Variants in LIPC observed in about 807,000 individuals in gnomAD.
The protein encoded by LIPC is hepatic triacylglycerol lipase.
A neutral mutation model predicts 50.7 loss-of-function variants in LIPC; 44 were observed. The ratio of observed to expected loss-of-function variants is 0.87; its 90% confidence interval spans 0.68 to 1.11. LIPC has a LOEUF of 1.11. Ranked by LOEUF, LIPC falls within the 50% of genes most tolerant of loss-of-function variation. The pLI, the probability that LIPC is intolerant of heterozygous loss-of-function variation, is 0.00. For missense variants in LIPC, 697 were observed against 648.2 expected (o/e 1.08, Z -0.82); for synonymous variants, 271 against 256.4 (o/e 1.06, Z -0.54).
At chr15:58,496,052 A>G (rs1891752865) in intron 1 of LIPC, among the ~76,000 whole-genome samples, 1 of 152,152 alleles carries the variant, frequency 6.6e-6, no homozygotes, top group South Asian at 2.1e-4. Context: ...CTGCTGCAGA[A>G]CCAGGACAGA....
At chr15:58,433,443 T>C (rs1339614121) in intron 1 of LIPC, among the ~76,000 whole-genome samples, 5 of 152,238 alleles carry the variant, frequency 3.3e-5, no homozygotes, top group Non-Finnish European at 5.9e-5. Context: ...AGATTTTTCA[T>C]TAATAGAAAC....
chr15:58,518,005 C>T (rs577750865), intron 1 of LIPC, among the ~76,000 whole-genome samples: 3 of 152,356 alleles, frequency 2.0e-5, no homozygotes, highest in Non-Finnish European at 4.4e-5. Context: ...TGTCTGCTCT[C>T]TTACTATATC....
intron 1 of LIPC, among the ~76,000 whole-genome samples, chr15:58,515,533 C>CACACACATATATATATATATATAT (rs147594972): frequency 7.1e-6 from 1 of 141,696 alleles, no homozygotes; most frequent in Admixed American, 7.0e-5. Context: ...TATACACACA[C>CACACACATATATATATATATATAT]ATATATATAT....
At chr15:58,502,499 G>A (rs1182060831) in intron 1 of LIPC, among the ~76,000 whole-genome samples, 5 of 121,396 alleles carry the variant, frequency 4.1e-5, no homozygotes, top group Non-Finnish European at 6.6e-5. Flanking sequence ...TGAATTCCAT[G>A]TAATTTTCTC....
At chr15:58,556,873 G>A (rs113987544) in intron 6 of LIPC, among the ~76,000 whole-genome samples, 164 of 152,252 alleles carry the variant, frequency 1.1e-3, no homozygotes, top group Non-Finnish European at 1.8e-3. Context: ...GATAAAGTAG[G>A]CATCTTATAA....
At chr15:58,440,076 A>G (rs747034874) in intron 1 of LIPC, among the ~76,000 whole-genome samples, 17 of 152,252 alleles carry the variant, frequency 1.1e-4, no homozygotes, top group Non-Finnish European at 2.2e-4. Flanking sequence ...AAAAGTATTT[A>G]AAACCCCAAG....
chr15:58,498,485 T>C (rs545240731), intron 1 of LIPC, among the ~76,000 whole-genome samples: 2 of 152,226 alleles, frequency 1.3e-5, no homozygotes, highest in East Asian at 1.9e-4. Flanking sequence ...AAAGCAGATA[T>C]ATATATATAC....
chr15:58,538,335 C>T lies in LIPC; in HGVS notation c.91C>T (p.Pro31Ser). Reference sequence around the variant, plus strand: ...CCGTCCCCAATCTTATATTGCAGAGCCATTTGGAAGAAGAGCTCAAGCTGT... The same window carrying T: ...CCGTCCCCAATCTTATATTGCAGAGTCATTTGGAAGAAGAGCTCAAGCTGT... Reference protein sequence around the residue: ...SALGQSLKPEPFGRRAQAVET... With the variant: ...SALGQSLKPESFGRRAQAVET... The change falls in exon 2 of 9, where the codon CCA (proline) becomes TCA (serine). Residue 31 changes from proline (P) to serine (S), a missense_variant and splice_region_variant. By Grantham distance (74) the Pro-to-Ser change is moderately conservative. Coordinates refer to ENST00000299022, the MANE Select transcript of LIPC (RefSeq NM_000236.3). 1 of 1,614,090 alleles carries T rather than the reference C, an allele frequency of 6.2e-7. No homozygotes were observed. The highest frequency in any genetic ancestry group is 8.5e-7 in the Non-Finnish European group (1 of 1,179,970).
At chr15:58,438,843 T>G (rs1893404770) in intron 1 of LIPC, among the ~76,000 whole-genome samples, 3 of 152,252 alleles carry the variant, frequency 2.0e-5, no homozygotes, top group Admixed American at 2.0e-4. Context: ...CTAACTTCCC[T>G]TTCCTTCCCA....
intron 1 of LIPC, among the ~76,000 whole-genome samples, chr15:58,457,405 C>T (rs1011814656): frequency 2.6e-5 from 4 of 152,178 alleles, no homozygotes; most frequent in Admixed American, 6.5e-5. Flanking sequence ...CCACCGCGCC[C>T]GGCAGACATG....
chr15:58,487,275 CTTCCA>C (rs1219027754), intron 1 of LIPC, among the ~76,000 whole-genome samples: 1 of 152,210 alleles, frequency 6.6e-6, no homozygotes, highest in Non-Finnish European at 1.5e-5. Context: ...CCTTGTAGAG[CTTCCA>C]TTCTCATGGG....
chr15:58,455,616 T>G (rs888426672), intron 1 of LIPC, among the ~76,000 whole-genome samples: 3 of 152,230 alleles, frequency 2.0e-5, no homozygotes, highest in Admixed American at 2.0e-4. Flanking sequence ...TCTTCTTCAT[T>G]AATGTAAATA....
chr15:58,466,864 T>G (rs1272320093), intron 1 of LIPC, among the ~76,000 whole-genome samples: 5 of 152,206 alleles, frequency 3.3e-5, no homozygotes, highest in Non-Finnish European at 7.3e-5. Flanking sequence ...CTTCGTAAAG[T>G]TGATTTTCAC....
At position 58,487,420 on chromosome 15, in the gene LIPC, T is replaced by A. The variant is rs371917304; in HGVS notation, c.89-50913T>A. 2.0e-5 allele frequency among the ~76,000 whole-genome samples: 3 copies of A among 152,244 alleles called. No homozygotes were observed. The South Asian group carries it at 6.2e-4, about 32-fold the overall frequency. On this transcript the variant is annotated intron_variant, in intron 1 of 8. Transcript: ENST00000299022. ...AATAAACCAAAGCTATTATTTTTAG[T>A]GGTGGTAATAGCACTGCTTTTCTTT...
At chr15:58,476,452 A>G (rs949085301) in intron 1 of LIPC, among the ~76,000 whole-genome samples, 5 of 152,208 alleles carry the variant, frequency 3.3e-5, no homozygotes, top group Non-Finnish European at 5.9e-5. Context: ...TGTGCCACAT[A>G]GTTATGCTTC....
intron 1 of LIPC, chr15:58,436,881 T>C (rs1306023543): frequency 2.2e-6 from 1 of 456,072 alleles, no homozygotes; most frequent in Non-Finnish European, 4.4e-6. Flanking sequence ...ACATGTGCTT[T>C]TCAAGCCCAA....
Position 58,538,409 on chromosome 15 carries a change from T to C in LIPC, c.165T>C (p.Phe55=). 1 of 1,614,190 alleles carries C rather than the reference T, an allele frequency of 6.2e-7. No homozygotes were observed. Among genetic ancestry groups the C allele is most frequent in the South Asian group, 1.1e-5 (1 of 91,080 alleles). ...LHEMKTRFLL[F]GETNQGCQIR... The stretch of plus-strand genomic sequence containing the variant: ...AGATGAAGACCAGATTCCTGCTCTT[T>C]GGAGAAACCAATCAGGGCTGTCAGA... The change falls in exon 2 of 9, where the codon TTT becomes TTC. Residue 55 remains phenylalanine (F), a synonymous_variant. Transcript: ENST00000299022.
At chr15:58,436,354 T>C (rs1263551780) in intron 1 of LIPC, 8 of 200,498 alleles carry the variant, frequency 4.0e-5, no homozygotes, top group Non-Finnish European at 8.2e-5. Flanking sequence ...AAGCTTCTCA[T>C]ATGTGTTTAA....
At chr15:58,435,001 A>C (rs1256693505) in intron 1 of LIPC, 2 of 152,178 alleles carry the variant, frequency 1.3e-5, no homozygotes, top group African/African-American at 4.8e-5. Context: ...CCTCTCTTAA[A>C]AATCACTGAG....
Sources: allele counts gnomAD v4.1 joint callset (sites outside exome capture counted in the v4.1 genomes callset), GRCh38; gene constraint gnomAD v4.1.1; transcripts MANE v1.5; gene names NCBI Gene and HGNC (gene_info 2026-07-23, HGNC 2026-07-21).